Variants in CNGB1 observed in about 807,000 individuals in gnomAD.
CNGB1 encodes the protein cyclic nucleotide-gated channel beta-1.
CNGB1 carries 126 observed loss-of-function variants against 151.7 expected under a neutral mutation model. The observed-to-expected ratio is 0.83, with a 90% CI of 0.72 to 0.96. The LOEUF (loss-of-function observed/expected upper bound fraction) is 0.96. CNGB1 is among the 40% of genes least tolerant of loss of function. The pLI, the probability that CNGB1 is intolerant of heterozygous loss-of-function variation, is 0.00. For missense variants in CNGB1, 1,698 were observed against 1,627.0 expected, an observed-to-expected ratio of 1.04 and a Z score of -0.75; for synonymous variants, 623 against 635.1, an observed-to-expected ratio of 0.98 and a Z score of 0.29.
rs1204736913 is a variant in CNGB1, at chr16:57,897,349, T to G, written c.3242+48A>C. 6 of 1,597,924 alleles carry G rather than the reference T, an allele frequency of 3.8e-6. No individual in the cohort carries two copies. In the East Asian group the frequency reaches 1.3e-4, roughly 36 times the overall value. ...AGGTACTGTGGTTATGTAAGAGAAATTCATTGTCCTTAGCAATTTTTTATT... is the reference window on the plus strand; with the variant it reads ...AGGTACTGTGGTTATGTAAGAGAAAGTCATTGTCCTTAGCAATTTTTTATT... On this transcript the variant is annotated intron_variant, in intron 31 of 32. Coordinates refer to ENST00000251102, the MANE Select transcript of CNGB1 (RefSeq NM_001297.5).
At chr16:57,952,030 C>T (rs780214641) in intron 12 of CNGB1, among the ~76,000 whole-genome samples, 5 of 152,200 alleles carry the variant, frequency 3.3e-5, no homozygotes, top group Non-Finnish European at 7.3e-5. Context: ...GGTGGTGGGA[C>T]GCTTTGTCTG....
rs1264415274 is a variant in CNGB1 at position 57,920,507 on chromosome 16, T to C, written c.1681A>G (p.Ser561Gly). Residue 561 changes from serine to glycine, a missense_variant, in exon 19 of 33, where the codon AGC becomes GGC. By Grantham distance (56) the Ser-to-Gly change is moderately conservative. Transcript: ENST00000251102. ...TGGAGCCGGTCGTTGATGATGGCGC[T>C]ATTTGTGCTGGCCGTGGAGGCCGCA... ...DRAASTASTN[S>G]AIINDRLQEL... is the part of the protein sequence containing the mutation. The C allele has an allele frequency of 6.2e-7, 1 of 1,613,936 alleles. No individual in the cohort carries two copies. The highest frequency in any genetic ancestry group is 1.3e-5 in the African/African-American group (1 of 75,046).
At chr16:57,925,080 G>A (rs1313036702) in intron 17 of CNGB1, among the ~76,000 whole-genome samples, 3 of 152,058 alleles carry the variant, frequency 2.0e-5, no homozygotes, top group East Asian at 1.9e-4. Flanking sequence ...TCGGCTCACT[G>A]CAACCTCCGT....
At chr16:57,889,326 G>C (rs1420731050) in intron 31 of CNGB1, among the ~76,000 whole-genome samples, 2 of 152,186 alleles carry the variant, frequency 1.3e-5, no homozygotes, top group Non-Finnish European at 2.9e-5. Flanking sequence ...TTGATGTAGG[G>C]AGCAGCCAGC....
intron 10 of CNGB1, among the ~76,000 whole-genome samples, chr16:57,959,039 C>T (rs1244002946): frequency 2.6e-5 from 4 of 151,824 alleles, no homozygotes; most frequent in East Asian, 3.9e-4. Context: ...AAGCATGAGC[C>T]ACTGCACCCA....
At chr16:57,955,133 G>C (rs1361178529) in intron 12 of CNGB1, 6 of 1,452,560 alleles carry the variant, frequency 4.1e-6, no homozygotes, top group Non-Finnish European at 5.4e-6. Flanking sequence ...CCTTCCCCTT[G>C]TTCTGGTCTG....
Position 57,904,840 on chromosome 16 carries a change from A to C in CNGB1, c.2528T>G (p.Leu843Arg). 7 of 1,614,202 alleles carry C rather than the reference A, an allele frequency of 4.3e-6. No homozygotes were observed. The highest frequency in any genetic ancestry group is 5.9e-6 in the Non-Finnish European group (7 of 1,180,040). The change falls in exon 26 of 33, where the codon CTC becomes CGC. Residue 843 changes from leucine (L) to arginine (R), a missense_variant. Physicochemically the swap from Leu to Arg is moderately radical, Grantham distance 102 (BLOSUM62 -2). Coordinates refer to ENST00000251102, the MANE Select transcript of CNGB1 (RefSeq NM_001297.5). ...GTCAGGCAGCCCCCCGATGGTGATG[A>C]GGGTCTTCACAGCAAAGTAGTAACA... Reference protein sequence around the residue: ...IRCYYFAVKTLITIGGLPDPK... With the variant: ...IRCYYFAVKTRITIGGLPDPK...
In CNGB1 at chr16:57,911,754, T is replaced by C. The variant is rs1960719266; in HGVS notation, c.2491A>G (p.Ser831Gly). 6.2e-7 allele frequency: 1 copy of C among 1,613,876 alleles called. No homozygotes were observed. Residue 831 changes from serine (S) to glycine (G), a missense_variant and splice_region_variant, in exon 25 of 33, where the codon AGT becomes GGT. Ser to Gly is a moderately conservative substitution (Grantham distance 56, BLOSUM62 0). Coordinates refer to ENST00000251102, the MANE Select transcript of CNGB1 (RefSeq NM_001297.5). ...THWVYDGVGNSYIRCYYFAVK... is the reference protein window; with the variant it reads ...THWVYDGVGNGYIRCYYFAVK... ...CCCAGGGGGAGGACTGTGGCTCACC[T>C]GTTTCCCACGCCATCGTAAACCCAG...
intron 16 of CNGB1, among the ~76,000 whole-genome samples, chr16:57,938,014 C>T (rs1478171783): frequency 6.6e-6 from 1 of 152,224 alleles, no homozygotes; most frequent in Non-Finnish European, 1.5e-5. Flanking sequence ...GATCTTGTTA[C>T]CACGAGGAGT....
In CNGB1 at chr16:57,884,379, T is replaced by C. The variant is rs1400424812; in HGVS notation, c.3541A>G (p.Thr1181Ala). ...DQHTHPKEAA[T>A]DPPAPRTPPE... is the part of the protein sequence containing the mutation. ...GGCGTCCGGGGCGCGGGTGGGTCGG[T>C]GGCGGCCTCCTTTGGGTGCGTGTGC... Residue 1181 changes from threonine to alanine, a missense_variant, in exon 33 of 33, where the codon ACC becomes GCC. By Grantham distance (58) the Thr-to-Ala change is moderately conservative. Transcript: ENST00000251102. 1 of 1,612,050 alleles carries C rather than the reference T, an allele frequency of 6.2e-7. No homozygotes were observed. Among genetic ancestry groups the C allele is most frequent in the Non-Finnish European group, 8.5e-7 (1 of 1,179,428 alleles).
chr16:57,953,276 C>T lies in CNGB1; in HGVS notation c.875-2736G>A, dbSNP rs141955309. Reference sequence around the variant, plus strand: ...CTTTGGGAGGCCGAGGTCGGCAGATCATGAGGTCAAGAGATCGAGACCATC... The same window carrying T: ...CTTTGGGAGGCCGAGGTCGGCAGATTATGAGGTCAAGAGATCGAGACCATC... On this transcript the variant is annotated intron_variant, in intron 12 of 32. Coordinates refer to ENST00000251102, the MANE Select transcript of CNGB1 (RefSeq NM_001297.5). 1.5e-3 allele frequency among the ~76,000 whole-genome samples: 228 copies of T among 152,266 alleles called. 2 individuals carry two copies. Among genetic ancestry groups the T allele is most frequent in the African/African-American group, 5.2e-3 (215 of 41,552 alleles).
intron 12 of CNGB1, among the ~76,000 whole-genome samples, chr16:57,957,106 G>A (rs1183383016): frequency 6.6e-6 from 1 of 152,178 alleles, no homozygotes; most frequent in Non-Finnish European, 1.5e-5. Context: ...GGCTCCGGGG[G>A]CCTCCAACCA....
At chr16:57,954,953 T>A in intron 12 of CNGB1, 1 of 1,081,138 alleles carries the variant, frequency 9.2e-7, no homozygotes, top group Non-Finnish European at 1.1e-6. Flanking sequence ...CTCACTGTGT[T>A]GCCCACGGTG....
At chr16:57,915,190 G>C (rs1251047540) in intron 23 of CNGB1, 59 bp downstream of exon 23, 2 of 1,390,450 alleles carry the variant, frequency 1.4e-6, no homozygotes, top group Admixed American at 3.5e-5. Context: ...GAAGATGCCA[G>C]TGTCGGTGCA....
chr16:57,913,079 C>G, intron 23 of CNGB1, 85 bp from the exon 24 acceptor site: 1 of 1,273,544 alleles, frequency 7.9e-7, no homozygotes, highest in Non-Finnish European at 1.1e-6. Context: ...AGACTCAGGG[C>G]TCTTCCTGCA....
Position 57,912,898 on chromosome 16 carries a change from GTGCATGCATGCACA to G in CNGB1, c.2369+18_2369+31del, listed in dbSNP as rs1960767825. On this transcript the variant is annotated intron_variant, in intron 24 of 32. Transcript: ENST00000251102. ...GTGTGTTTGTGAGTGTCATGTGTGT[GTGCATGCATGCACA>G]TGCAGGGGGAGTCTCACCTGTACAC... The G allele has an allele frequency of 2.5e-6, 4 of 1,597,246 alleles. No homozygotes were observed. The highest frequency in any genetic ancestry group is 2.7e-5 in the African/African-American group (2 of 74,534).
chr16:57,909,217 G>A (rs1960640181), intron 25 of CNGB1, among the ~76,000 whole-genome samples: 2 of 152,082 alleles, frequency 1.3e-5, no homozygotes, highest in Admixed American at 6.5e-5. Flanking sequence ...GCAATGAGCT[G>A]AGATCATGCT....
In CNGB1 at chr16:57,887,897, G is replaced by T. The variant is rs371860152; in HGVS notation, c.3420C>A (p.Ala1140=). Residue 1140 remains alanine, a synonymous_variant, in exon 32 of 33, where the codon GCC becomes GCA. Transcript: ENST00000251102. ...GCTGCTTTGCAGCCGCCTCCAGCGC[G>T]GCCAGTTCTTTGAGCCGGGCCCGGA... ...AHLRARLKEL[A]ALEAAAKQQE... The T allele has an allele frequency of 2.5e-5, 41 of 1,614,032 alleles. 2 individuals are homozygous for T. In the South Asian group the frequency reaches 3.4e-4, roughly 13 times the overall value.
chr16:57,958,646 C>T lies in CNGB1; in HGVS notation c.762-161G>A, dbSNP rs374733226. On this transcript the variant is annotated intron_variant, in intron 10 of 32. Transcript: ENST00000251102. ...CCAGCCCTGAAGACCATTCTCCCCC[C>T]TCTCCACCCTCCCTCGGTGCTCTGG... Among the ~76,000 whole-genome samples the T allele has an allele frequency of 1.2e-3, 176 of 152,336 alleles. 3 individuals are homozygous for T. The highest frequency in any genetic ancestry group is 4.0e-3 in the African/African-American group (167 of 41,582).
Sources: gnomAD v4.1 joint callset for allele counts (sites outside exome capture counted in the v4.1 genomes callset) on GRCh38, gnomAD v4.1.1 for gene constraint, MANE v1.5 for transcripts, NCBI Gene and HGNC (gene_info 2026-07-23, HGNC 2026-07-21) for gene names.